Variants in HTRA1 observed in about 807,000 individuals in gnomAD.
HTRA1 encodes the protein serine protease HTRA1.
Under a neutral mutation model 49.7 loss-of-function variants are expected in HTRA1, and 26 were observed. The ratio of observed to expected loss-of-function variants is 0.52; its 90% confidence interval spans 0.38 to 0.73. The LOEUF (loss-of-function observed/expected upper bound fraction) is 0.73, where lower values mean the gene tolerates loss of function less well. Among genes scored for constraint, HTRA1 ranks in the 30% least tolerant of loss-of-function variants. The probability of loss-of-function intolerance (pLI) is 0.00; values close to 1 mark genes in which losing one functional copy is unlikely to be tolerated. For synonymous variants in HTRA1, 291 were observed against 286.9 expected (o/e 1.01, Z -0.14); for missense variants, 561 against 667.2 (o/e 0.84, Z 1.75).
chr10:122,499,552 C>G (rs755648095), intron 3 of HTRA1, among the ~76,000 whole-genome samples: 1 of 152,068 alleles, frequency 6.6e-6, no homozygotes, highest in Non-Finnish European at 1.5e-5. Context: ...GTCCGCTGAC[C>G]CGCCCTTTTT....
intron 1 of HTRA1, among the ~76,000 whole-genome samples, chr10:122,477,663 T>C (rs556821795): frequency 6.6e-6 from 1 of 152,186 alleles, no homozygotes; most frequent in Non-Finnish European, 1.5e-5. Flanking sequence ...CGGCAGTGTG[T>C]CTGCAGGCGA....
At chr10:122,474,174 CA>C (rs1369263368) in intron 1 of HTRA1, among the ~76,000 whole-genome samples, 1 of 152,166 alleles carries the variant, frequency 6.6e-6, no homozygotes, top group African/African-American at 2.4e-5. Flanking sequence ...TTTATTAGAT[CA>C]TAGAACTTTT....
intron 3 of HTRA1, among the ~76,000 whole-genome samples, chr10:122,495,585 T>G (rs1408137753): frequency 1.3e-5 from 2 of 152,210 alleles, no homozygotes; most frequent in Non-Finnish European, 2.9e-5. Context: ...CCCCTGTGTG[T>G]TCTCTGGCCC....
Position 122,490,904 on chromosome 10 carries a change from T to C in HTRA1, c.777+1278T>C, listed in dbSNP as rs1366198241. Among the ~76,000 whole-genome samples the C allele has an allele frequency of 3.9e-5, 6 of 152,270 alleles. No homozygotes were observed. The highest frequency in any genetic ancestry group is 1.3e-4 in the Admixed American group (2 of 15,302). Reference sequence around the variant, plus strand: ...GAAAACCACCAGCTAACACATTTACTACCCTCCTTCCCCGATGTTCCTGTA... The same window carrying C: ...GAAAACCACCAGCTAACACATTTACCACCCTCCTTCCCCGATGTTCCTGTA... On this transcript the variant is annotated intron_variant, in intron 3 of 8. Coordinates refer to ENST00000368984, the MANE Select transcript of HTRA1 (RefSeq NM_002775.5). The surrounding 1 kb of genome is among the most constrained non-coding windows in gnomAD (Gnocchi z 4.2).
At position 122,496,225 on chromosome 10, in the gene HTRA1, G is replaced by GTTTTGTTTTTTTTTTTTTTTT. The variant is rs1287521208; in HGVS notation, c.777+6601_777+6602insTTGTTTTTTTTTTTTTTTTTT. On this transcript the variant is annotated intron_variant, in intron 3 of 8. Transcript: ENST00000368984. Reference sequence around the variant, plus strand: ...CCCTTTCGTTTGCCAGAGATTGTGGGTTCTTTTTTTTTTTTTTTTTTTTTT... The same window carrying GTTTTGTTTTTTTTTTTTTTTT: ...CCCTTTCGTTTGCCAGAGATTGTGGGTTTTGTTTTTTTTTTTTTTTTTTCTTTTTTTTTTTTTTTTTTTTTT... Among the ~76,000 whole-genome samples, 3 of 80,384 alleles carry GTTTTGTTTTTTTTTTTTTTTT rather than the reference G, an allele frequency of 3.7e-5. 1 individual carries two copies. Among genetic ancestry groups the GTTTTGTTTTTTTTTTTTTTTT allele is most frequent in the African/African-American group, 1.5e-4 (3 of 19,640 alleles). The allele number at this position is 80,384 out of a possible 152,430, so 52.7% of individuals were successfully genotyped here. A position where few individuals can be genotyped will look rare whatever the true frequency, so the allele number is the denominator to read the frequency against.
In HTRA1 at chr10:122,508,783, C is replaced by T. The variant is rs574157594; in HGVS notation, c.1120+13C>T. ...CGACAGGCCAAAGGTAGGCAAGGCC[C>T]ACACAGCCCTGGGGACTCCGGAGAT... is the stretch of plus-strand genomic sequence containing the variant. On this transcript the variant is annotated intron_variant, in intron 6 of 8. Transcript: ENST00000368984. 27 of 1,504,652 alleles carry T rather than the reference C, an allele frequency of 1.8e-5. 1 individual carries two copies. In the South Asian group the frequency reaches 2.6e-4, roughly 14 times the overall value. The allele number at this position is 1,504,652 out of a possible 1,614,324, so 93.2% of individuals were successfully genotyped here.
At chr10:122,466,102 T>C (rs949586909) in intron 1 of HTRA1, among the ~76,000 whole-genome samples, 2 of 152,152 alleles carry the variant, frequency 1.3e-5, no homozygotes, top group African/African-American at 4.8e-5. Flanking sequence ...TGTATGTACA[T>C]ACCTGGTGAA....
At chr10:122,482,530 T>C (rs2097491439) in intron 1 of HTRA1, among the ~76,000 whole-genome samples, 1 of 152,132 alleles carries the variant, frequency 6.6e-6, no homozygotes. Context: ...ATTAGGACCA[T>C]AAGGATATGA....
chr10:122,471,948 G>A (rs932275), intron 1 of HTRA1, among the ~76,000 whole-genome samples: 36,950 of 152,084 alleles, frequency 0.24, 4,713 homozygotes, highest in East Asian at 0.46. Context: ...ATTTCCTTGG[G>A]TTAGAAGATG....
intron 3 of HTRA1, among the ~76,000 whole-genome samples, chr10:122,493,116 C>A (rs1485190190): frequency 6.6e-6 from 1 of 152,202 alleles, no homozygotes; most frequent in Non-Finnish European, 1.5e-5. Context: ...GCTCACTTTG[C>A]CTGCTGAGTC....
Position 122,514,405 on chromosome 10 carries a change from G to T in HTRA1, c.*46G>T. 1 of 1,586,926 alleles carries T rather than the reference G, an allele frequency of 6.3e-7. No individual in the cohort carries two copies. Among genetic ancestry groups the T allele is most frequent in the Non-Finnish European group, 8.7e-7 (1 of 1,155,714 alleles). ...TCATGTTTCCCTCAAAGACTCTCCC[G>T]TGGATGACGGATGAGGACTCTGGGC... On this transcript the variant is annotated 3_prime_UTR_variant, in exon 9 of 9. Coordinates refer to ENST00000368984, the MANE Select transcript of HTRA1 (RefSeq NM_002775.5).
intron 8 of HTRA1, among the ~76,000 whole-genome samples, chr10:122,513,881 C>A (rs1294740185): frequency 6.9e-6 from 1 of 145,374 alleles, no homozygotes; most frequent in African/African-American, 2.6e-5. Flanking sequence ...GTGCCCACCA[C>A]CAAACCTGGC....
intron 6 of HTRA1, 30 bp from the exon 7 acceptor site, chr10:122,510,066 C>G (rs1331936559): frequency 6.2e-7 from 1 of 1,606,338 alleles, no homozygotes; most frequent in Non-Finnish European, 8.5e-7. Context: ...ACTGGGCTGA[C>G]CTTCTGCTGT....
At chr10:122,508,902 G>C (rs1033618888) in intron 6 of HTRA1, 132 bp downstream of exon 6, 2 of 678,262 alleles carry the variant, frequency 2.9e-6, no homozygotes, top group Non-Finnish European at 5.4e-6. Flanking sequence ...AGAAGTGAAC[G>C]GGAATGCACA....
intron 1 of HTRA1, among the ~76,000 whole-genome samples, chr10:122,478,609 GTC>G (rs2097489683): frequency 6.6e-6 from 1 of 152,034 alleles, no homozygotes; most frequent in South Asian, 2.1e-4. Context: ...AGCCAGGATG[GTC>G]TCGATTTCCT....
chr10:122,490,293 T>G lies in HTRA1; in HGVS notation c.777+667T>G, dbSNP rs1011025205. Among the ~76,000 whole-genome samples, 1 of 152,214 alleles carries G rather than the reference T, an allele frequency of 6.6e-6. No individual in the cohort carries two copies. The highest frequency in any genetic ancestry group is 2.4e-5 in the African/African-American group (1 of 41,446). ...AATTATAATCATTTGAGTATACAGC[T>G]TTTTGTGGGGGCAGGCAGAACTGAG... On this transcript the variant is annotated intron_variant, in intron 3 of 8. Coordinates refer to ENST00000368984, the MANE Select transcript of HTRA1 (RefSeq NM_002775.5). The surrounding 1 kb of genome is among the most constrained non-coding windows in gnomAD (Gnocchi z 4.2).
Position 122,494,961 on chromosome 10 carries a change from G to T in HTRA1, c.777+5335G>T, listed in dbSNP as rs540009366. 4.6e-5 allele frequency among the ~76,000 whole-genome samples: 7 copies of T among 152,276 alleles called. No homozygotes were observed. In the East Asian group the frequency reaches 1.2e-3, roughly 25 times the overall value. ...TTCCCTGAGTCAGCTGAGTGAGGGG[G>T]TTCAGGCAGCCCCCCGGGACATGGC... On this transcript the variant is annotated intron_variant, in intron 3 of 8. Coordinates refer to ENST00000368984, the MANE Select transcript of HTRA1 (RefSeq NM_002775.5). This position sits in a 1 kb window ranked among gnomAD's most constrained non-coding sequence, Gnocchi z 4.0.
rs776695309 is a variant in HTRA1 at position 122,506,915 on chromosome 10, T to C, written c.972+30T>C. 1.9e-6 allele frequency: 3 copies of C among 1,602,818 alleles called. No homozygotes were observed. The highest frequency in any genetic ancestry group is 2.6e-6 in the Non-Finnish European group (3 of 1,171,724). ...GCCTCTGTCCCTCTGCGGGTGGGGA[T>C]TGGGGCAGAGTTTTGCCAGGGGGAG... On this transcript the variant is annotated intron_variant, in intron 4 of 8. Transcript: ENST00000368984. This position sits in a 1 kb window ranked among gnomAD's most constrained non-coding sequence, Gnocchi z 5.2.
Position 122,476,193 on chromosome 10 carries a change from T to C in HTRA1, c.473-12709T>C, listed in dbSNP as rs546568866. Among the ~76,000 whole-genome samples the C allele has an allele frequency of 3.3e-5, 5 of 152,280 alleles. No homozygotes were observed. The South Asian group carries it at 1.0e-3, about 32-fold the overall frequency. ...TGGAGGAGGAGGAAGCGCTCTGTGTTTCTCTGCAGTTCACGGCTCAGTTAA... is the reference window on the plus strand; with the variant it reads ...TGGAGGAGGAGGAAGCGCTCTGTGTCTCTCTGCAGTTCACGGCTCAGTTAA... On this transcript the variant is annotated intron_variant, in intron 1 of 8. Transcript: ENST00000368984.
Sources: gnomAD v4.1 joint callset for allele counts (sites outside exome capture counted in the v4.1 genomes callset) on GRCh38, gnomAD v4.1.1 for gene constraint, Gnocchi (gnomAD v3.1) non-coding constraint, MANE v1.5 for transcripts, NCBI Gene and HGNC (gene_info 2026-07-23, HGNC 2026-07-21) for gene names.